The following CAPZB variants were observed in gnomAD, a reference collection of about 807,000 sequenced individuals.
CAPZB encodes F-actin-capping protein subunit beta.
CAPZB carries 2 observed loss-of-function variants against 38.1 expected under a neutral mutation model. That is an observed-to-expected ratio of 0.05 (90% CI 0.02 to 0.17). The LOEUF is 0.17. Ranked by LOEUF, CAPZB falls within the 10% of genes least tolerant of loss-of-function variation. CAPZB has a pLI of 1.00. For missense variants in CAPZB, 161 were observed against 334.2 expected, an observed-to-expected ratio of 0.48 and a Z score of 4.04; for synonymous variants, 107 against 127.4, an observed-to-expected ratio of 0.84 and a Z score of 1.08.
At chr1:19,394,851 C>T (rs115607831) in intron 2 of CAPZB, among the ~76,000 whole-genome samples, 2,185 of 152,214 alleles carry the variant, frequency 0.014, 46 homozygotes, top group African/African-American at 0.049. Context: ...TTTGATTCTG[C>T]GATAGTATTC....
In CAPZB at chr1:19,356,787, G is replaced by A. The variant is rs1387685405; in HGVS notation, c.472-36C>T. 3 of 1,480,786 alleles carry A rather than the reference G, an allele frequency of 2.0e-6. No individual in the cohort carries two copies. Among genetic ancestry groups the A allele is most frequent in the East Asian group, 2.3e-5 (1 of 44,172 alleles). The allele number at this position is 1,480,786 out of a possible 1,614,324, so 91.7% of individuals were successfully genotyped here. ...AAGACAGAGATCTGTTGAGCTGAGG[G>A]AGAGCCTGAAGTGGCCCCTGGAATT... On this transcript the variant is annotated intron_variant, in intron 5 of 8. Transcript: ENST00000264202. The surrounding 1 kb of genome is among the most constrained non-coding windows in gnomAD (Gnocchi z 4.3).
intron 2 of CAPZB, among the ~76,000 whole-genome samples, chr1:19,409,300 G>A (rs1233848261): frequency 6.6e-6 from 1 of 151,954 alleles, no homozygotes; most frequent in African/African-American, 2.4e-5. Flanking sequence ...AAGGTGAGGG[G>A]ATCCACTTCA....
At chr1:19,455,453 T>G (rs1216940016) in intron 1 of CAPZB, among the ~76,000 whole-genome samples, 1 of 152,180 alleles carries the variant, frequency 6.6e-6, no homozygotes, top group Non-Finnish European at 1.5e-5. Context: ...AGGCCTCCCT[T>G]GCTGGTCCCC....
intron 3 of CAPZB, among the ~76,000 whole-genome samples, chr1:19,384,177 C>T (rs1432257022): frequency 6.6e-6 from 1 of 152,080 alleles, no homozygotes; most frequent in Non-Finnish European, 1.5e-5. Context: ...CTTTTATTAC[C>T]CTCAGCCTGG....
In CAPZB at chr1:19,339,526, A is replaced by G. The variant is rs377396733; in HGVS notation, c.*4T>C. Reference sequence around the variant, plus strand: ...GGCGTGTCTGGTTAGCATGAAACAGAGGTTTAGCATTGCTGCTTTCTCTTC... The same window carrying G: ...GGCGTGTCTGGTTAGCATGAAACAGGGGTTTAGCATTGCTGCTTTCTCTTC... On this transcript the variant is annotated 3_prime_UTR_variant, in exon 9 of 9. Coordinates refer to ENST00000264202, the MANE Select transcript of CAPZB (RefSeq NM_004930.5). 8.7e-6 allele frequency: 14 copies of G among 1,606,278 alleles called. No homozygotes were observed. The South Asian group carries it at 1.5e-4, about 18-fold the overall frequency.
chr1:19,456,538 G>A (rs1404175151), intron 1 of CAPZB, among the ~76,000 whole-genome samples: 2 of 151,966 alleles, frequency 1.3e-5, no homozygotes, highest in African/African-American at 2.4e-5. Flanking sequence ...TTGGTTCATC[G>A]ACTGCCTCAC....
Position 19,343,550 on chromosome 1 carries a change from C to T in CAPZB, c.731+808G>A, listed in dbSNP as rs903011102. Among the ~76,000 whole-genome samples, 3 of 152,344 alleles carry T rather than the reference C, an allele frequency of 2.0e-5. No homozygotes were observed. In the South Asian group the frequency reaches 6.2e-4, roughly 32 times the overall value. ...CTCCTCGACTGGACAAGGGCCTCTG[C>T]GAGGAGTGCCAGAGGCCATGCAGCT... is the stretch of plus-strand genomic sequence containing the variant. On this transcript the variant is annotated intron_variant, in intron 8 of 8. Coordinates refer to ENST00000264202, the MANE Select transcript of CAPZB (RefSeq NM_004930.5).
At chr1:19,444,663 C>T (rs1280675039) in intron 1 of CAPZB, among the ~76,000 whole-genome samples, 1 of 152,148 alleles carries the variant, frequency 6.6e-6, no homozygotes, top group Non-Finnish European at 1.5e-5. Context: ...GCAATTACAA[C>T]GTGTAGCTGA....
intron 1 of CAPZB, among the ~76,000 whole-genome samples, chr1:19,426,342 C>T (rs543111100): frequency 1.9e-4 from 29 of 152,090 alleles, no homozygotes; most frequent in African/African-American, 6.3e-4. Flanking sequence ...ACTTAGAAGG[C>T]GAAGCAGATT....
chr1:19,401,638 C>T (rs1460216648), intron 2 of CAPZB, among the ~76,000 whole-genome samples: 3 of 152,226 alleles, frequency 2.0e-5, no homozygotes, highest in East Asian at 3.9e-4. Context: ...AGATGGCACA[C>T]AGCCAAAGCT....
chr1:19,449,655 C>T (rs1015427740), intron 1 of CAPZB, among the ~76,000 whole-genome samples: 9 of 151,676 alleles, frequency 5.9e-5, no homozygotes, highest in Non-Finnish European at 1.2e-4. Flanking sequence ...GGGCGTGGTG[C>T]GTGCCTACAG....
At chr1:19,465,398 G>A (rs1262245300) in intron 1 of CAPZB, among the ~76,000 whole-genome samples, 4 of 152,162 alleles carry the variant, frequency 2.6e-5, no homozygotes, top group Admixed American at 2.0e-4. Flanking sequence ...CCTTGCTTAC[G>A]GACTTCCCAG....
chr1:19,482,749 A>G (rs889801611), intron 1 of CAPZB, among the ~76,000 whole-genome samples: 1 of 152,226 alleles, frequency 6.6e-6, no homozygotes, highest in Admixed American at 6.5e-5. Context: ...ATCTAGCTGT[A>G]TTCTCTACCA....
At chr1:19,377,587 A>C (rs968967710) in intron 4 of CAPZB, among the ~76,000 whole-genome samples, 3 of 152,266 alleles carry the variant, frequency 2.0e-5, no homozygotes, top group Admixed American at 6.5e-5. Context: ...ACAAACCAAG[A>C]AGCAGCAACA....
chr1:19,404,232 CAAAAAAAAAAAAAA>C (rs35225006), intron 2 of CAPZB, among the ~76,000 whole-genome samples: 1 of 62,432 alleles, frequency 1.6e-5, no homozygotes, highest in Non-Finnish European at 2.9e-5. Flanking sequence ...GACTCCATCT[CAAAAAAAAAAAAAA>C]AAAAAAAAAA....
At chr1:19,380,451 T>C (rs1384547226) in intron 3 of CAPZB, among the ~76,000 whole-genome samples, 1 of 152,168 alleles carries the variant, frequency 6.6e-6, no homozygotes, top group African/African-American at 2.4e-5. Context: ...AAGCAAACTG[T>C]CAACAAGCTG....
chr1:19,344,290 G>C (rs57405512), intron 8 of CAPZB, 68 bp downstream of exon 8: 2 of 1,286,176 alleles, frequency 1.6e-6, no homozygotes, highest in African/African-American at 2.9e-5. Flanking sequence ...CACACAGCTA[G>C]TAACTGGCAG....
In CAPZB at chr1:19,357,899, G is replaced by T. The variant is rs976989934; in HGVS notation, c.330-336C>A. Among the ~76,000 whole-genome samples the T allele has an allele frequency of 5.3e-5, 8 of 152,216 alleles. No individual in the cohort carries two copies. The highest frequency in any genetic ancestry group is 1.4e-4 in the African/African-American group (6 of 41,520). On this transcript the variant is annotated intron_variant, in intron 4 of 8. Coordinates refer to ENST00000264202, the MANE Select transcript of CAPZB (RefSeq NM_004930.5). This position sits in a 1 kb window ranked among gnomAD's most constrained non-coding sequence, Gnocchi z 4.3. ...CGACTGACATCCAGTGACAATCCAT[G>T]CAGGCCATGACTACTGGAGTCACCA...
rs146059620 is a variant in CAPZB, at chr1:19,348,456, C to G, written c.589-3204G>C. ...TTAAAAGGTCTGAACACCCTGACAC[C>G]AAGAAATGGGAGAGAACTAGGGCTA... On this transcript the variant is annotated intron_variant, in intron 6 of 8. Transcript: ENST00000264202. Among the ~76,000 whole-genome samples, 878 of 152,054 alleles carry G rather than the reference C, an allele frequency of 5.8e-3. 5 individuals are homozygous for G. Among genetic ancestry groups the G allele is most frequent in the African/African-American group, 0.019 (799 of 41,468 alleles).
Sources: gnomAD v4.1 joint callset for allele counts (sites outside exome capture counted in the v4.1 genomes callset) on GRCh38, gnomAD v4.1.1 for gene constraint, Gnocchi (gnomAD v3.1) non-coding constraint, MANE v1.5 for transcripts, NCBI Gene and HGNC (gene_info 2026-07-23, HGNC 2026-07-21) for gene names.